Variants in FADS3 observed in about 807,000 individuals in gnomAD.
The protein encoded by FADS3 is fatty acid desaturase 3, also known as cytochrome b5-related protein.
In FADS3, 30 loss-of-function variants were observed where a neutral mutation model predicts 60.4. The observed-to-expected ratio is 0.50, with a 90% CI of 0.37 to 0.67. The LOEUF is 0.67. FADS3 is among the 30% of genes least tolerant of loss of function. FADS3 has a pLI of 0.00. For synonymous variants in FADS3, 234 were observed against 249.3 expected, an observed-to-expected ratio of 0.94 and a Z score of 0.58; for missense variants, 432 against 598.3, an observed-to-expected ratio of 0.72 and a Z score of 2.90.
intron 1 of FADS3, among the ~76,000 whole-genome samples, chr11:61,883,831 A>G (rs1392518170): frequency 3.3e-5 from 5 of 152,242 alleles, no homozygotes; most frequent in Non-Finnish European, 5.9e-5. Context: ...CCTTCAAGCC[A>G]GATCTACCCC....
chr11:61,874,066 C>T (rs1451621913), intron 11 of FADS3, among the ~76,000 whole-genome samples: 3 of 152,194 alleles, frequency 2.0e-5, no homozygotes, highest in Non-Finnish European at 4.4e-5. Context: ...GAATCTAGAC[C>T]GGGGTGACGG....
chr11:61,891,540 C>T lies in FADS3; in HGVS notation c.-159G>A, dbSNP rs1591206184. 4.6e-5 allele frequency: 17 copies of T among 370,390 alleles called. No homozygotes were observed. In the South Asian group the frequency reaches 1.3e-3, roughly 28 times the overall value. 22.9% of individuals were successfully genotyped at this position (370,390 alleles called of 1,614,324 possible). A position where few individuals can be genotyped will look rare whatever the true frequency, so the allele number is the denominator to read the frequency against. On this transcript the variant is annotated 5_prime_UTR_variant, in exon 1 of 12. Coordinates refer to ENST00000278829, the MANE Select transcript of FADS3 (RefSeq NM_021727.5). ...GCCGTACGAGCGAGCGTGCGCCTCC[C>T]GGCTCGCGGCGCAGGGAACTCCCCG...
chr11:61,882,037 C>T (rs1459643662), intron 1 of FADS3: 1 of 139,636 alleles, frequency 7.2e-6, no homozygotes, highest in Non-Finnish European at 1.5e-5. Context: ...AGAGCTGGGG[C>T]TGGTGTACAG....
At position 61,873,617 on chromosome 11, in the gene FADS3, G is replaced by A. The variant is rs1157440565; in HGVS notation, c.*197C>T. The A allele has an allele frequency of 1.7e-6, 1 of 603,946 alleles. No homozygotes were observed. Among genetic ancestry groups the A allele is most frequent in the African/African-American group, 1.9e-5 (1 of 53,676 alleles). 37.4% of individuals were successfully genotyped at this position (603,946 alleles called of 1,614,324 possible). A position where few individuals can be genotyped will look rare whatever the true frequency, so the allele number is the denominator to read the frequency against. On this transcript the variant is annotated 3_prime_UTR_variant, in exon 12 of 12. Transcript: ENST00000278829. ...CTATGCTCACCTTCCCTCTACCCCT[G>A]TCCCATCAGGCCCAGAGCCAAGGCC...
At chr11:61,883,970 C>G (rs1591198647) in intron 1 of FADS3, among the ~76,000 whole-genome samples, 1 of 152,210 alleles carries the variant, frequency 6.6e-6, no homozygotes, top group East Asian at 1.9e-4. Flanking sequence ...AGGCTGGGCT[C>G]TCAGAGCTGG....
At chr11:61,889,908 G>C (rs898228889) in intron 1 of FADS3, among the ~76,000 whole-genome samples, 6 of 152,194 alleles carry the variant, frequency 3.9e-5, no homozygotes, top group African/African-American at 1.4e-4. Context: ...AAGACTCCTT[G>C]AAGGGAGGCC....
chr11:61,877,609 T>C lies in FADS3; in HGVS notation c.809-22A>G, dbSNP rs891474968. On this transcript the variant is annotated intron_variant, in intron 6 of 11. Coordinates refer to ENST00000278829, the MANE Select transcript of FADS3 (RefSeq NM_021727.5). The surrounding 1 kb of genome is among the most constrained non-coding windows in gnomAD (Gnocchi z 4.7). ...CCGACTGCAAGAAGGGGCATGAGAG[T>C]GTTCAGGAGTGGGGCTGGGCTGCCA... is the stretch of plus-strand genomic sequence containing the variant. The C allele has an allele frequency of 1.1e-5, 17 of 1,610,534 alleles. No individual in the cohort carries two copies. Among genetic ancestry groups the C allele is most frequent in the Non-Finnish European group, 1.4e-5 (16 of 1,178,588 alleles).
At chr11:61,879,279 G>C in intron 3 of FADS3, 33 bp downstream of exon 3, 1 of 1,545,360 alleles carries the variant, frequency 6.5e-7, no homozygotes, top group Non-Finnish European at 8.7e-7. Flanking sequence ...CTGTTGGGCA[G>C]TTAAGGTGGC....
chr11:61,878,352 G>T, intron 5 of FADS3, 137 bp from the exon 6 acceptor site: 1 of 1,366,026 alleles, frequency 7.3e-7, no homozygotes. Flanking sequence ...GTCCCCAGCA[G>T]GTTGGGAGGT....
At chr11:61,875,697 T>A (rs998343929) in intron 11 of FADS3, among the ~76,000 whole-genome samples, 154 bp downstream of exon 11, 1 of 152,194 alleles carries the variant, frequency 6.6e-6, no homozygotes, top group African/African-American at 2.4e-5. Context: ...AAATTCTCAC[T>A]GTGTGCGTGA....
At chr11:61,875,505 T>C (rs1175904045) in intron 11 of FADS3, among the ~76,000 whole-genome samples, 2 of 151,716 alleles carry the variant, frequency 1.3e-5, no homozygotes, top group Non-Finnish European at 2.9e-5. Flanking sequence ...AGTGCTGGAA[T>C]TACAGGCGTG....
intron 1 of FADS3, chr11:61,886,296 C>A: frequency 6.6e-6 from 1 of 152,410 alleles, no homozygotes. Context: ...TCATCAGAAA[C>A]CCGCAGGAAG....
At chr11:61,882,098 GTTTTTTTTTTTTTTTTT>G (rs10585384) in intron 1 of FADS3, 3 of 37,888 alleles carry the variant, frequency 7.9e-5, no homozygotes. Flanking sequence ...CCCACTGGGT[GTTTTTTTTTTTTTTTTT>G]TTTTTTTTTT....
In FADS3 at chr11:61,878,158, G is replaced by A. The variant is rs774780631; in HGVS notation, c.805C>T (p.Leu269=). The part of the protein sequence containing the change: ...PYNQQHLYFF[L]IGPPLLTLVN... ...AGAAGGACAGATGGACACTCACTCAGGAAGAAGTACAGGTGCTGCTGGTTG... is the reference window on the plus strand; with the variant it reads ...AGAAGGACAGATGGACACTCACTCAAGAAGAAGTACAGGTGCTGCTGGTTG... The change falls in exon 6 of 12, where the codon CTG becomes TTG. Residue 269 remains leucine (L), a synonymous_variant. Transcript: ENST00000278829. The A allele has an allele frequency of 6.2e-7, 1 of 1,614,044 alleles. No homozygotes were observed. Among genetic ancestry groups the A allele is most frequent in the Admixed American group, 1.7e-5 (1 of 60,020 alleles).
intron 1 of FADS3, chr11:61,880,644 G>A (rs1197563074): frequency 1.3e-5 from 2 of 153,754 alleles, no homozygotes; most frequent in Non-Finnish European, 2.9e-5. Flanking sequence ...CACGGGGCGG[G>A]GGGATCAGTC....
chr11:61,875,895 G>T lies in FADS3; in HGVS notation c.1242C>A (p.Ser414Arg), dbSNP rs746879472. The change falls in exon 11 of 12, where the codon AGC becomes AGA. Residue 414 changes from serine to arginine, a missense_variant. Ser to Arg is a moderately radical substitution (Grantham distance 110). Coordinates refer to ENST00000278829, the MANE Select transcript of FADS3 (RefSeq NM_021727.5). ...CGGTGAGGAAGGGCTTCACTTCGTAGCTGAGGCCGTGCTTGGCACACAGCG... is the reference window on the plus strand; with the variant it reads ...CGGTGAGGAAGGGCTTCACTTCGTATCTGAGGCCGTGCTTGGCACACAGCG... ...VKSLCAKHGL[S>R]YEVKPFLTAL... The T allele has an allele frequency of 6.2e-7, 1 of 1,613,812 alleles. No homozygotes were observed. The highest frequency in any genetic ancestry group is 8.5e-7 in the Non-Finnish European group (1 of 1,180,024).
At position 61,875,806 on chromosome 11, in the gene FADS3, C is replaced by A; in HGVS notation, c.1286+45G>T. ...TGACCTGGACAAGGGTAGGCATAGG[C>A]CCTGGGGAAGCCACCAGAACAGAGG... is the stretch of plus-strand genomic sequence containing the variant. On this transcript the variant is annotated intron_variant, in intron 11 of 11. Coordinates refer to ENST00000278829, the MANE Select transcript of FADS3 (RefSeq NM_021727.5). 1.9e-6 allele frequency: 3 copies of A among 1,598,500 alleles called. 1 individual carries two copies. The South Asian group carries it at 3.3e-5, about 18-fold the overall frequency.
Position 61,878,828 on chromosome 11 carries a change from T to C in FADS3, c.542A>G (p.Gln181Arg). The change falls in exon 4 of 12, where the codon CAG becomes CGG. Residue 181 changes from glutamine (Q) to arginine (R), a missense_variant. Transcript: ENST00000278829. ...AISQAQSWCL[Q>R]HDLGHASIFK... Reference sequence around the variant, plus strand: ...GATGGAGGCATGGCCCAGGTCATGCTGCAGACACCAGGACTGAGCCTGGGG... The same window carrying C: ...GATGGAGGCATGGCCCAGGTCATGCCGCAGACACCAGGACTGAGCCTGGGG... 6.2e-7 allele frequency: 1 copy of C among 1,614,120 alleles called. No individual in the cohort carries two copies. Among genetic ancestry groups the C allele is most frequent in the Non-Finnish European group, 8.5e-7 (1 of 1,179,998 alleles).
chr11:61,874,859 G>C (rs1357392301), intron 11 of FADS3, among the ~76,000 whole-genome samples: 3 of 149,924 alleles, frequency 2.0e-5, no homozygotes, highest in African/African-American at 7.3e-5. Flanking sequence ...GCTTTTCATT[G>C]TTCTTTTGCC....
Sources: allele counts gnomAD v4.1 joint callset (sites outside exome capture counted in the v4.1 genomes callset), GRCh38; gene constraint gnomAD v4.1.1; non-coding constraint Gnocchi (gnomAD v3.1); transcripts MANE v1.5; gene names NCBI Gene and HGNC (gene_info 2026-07-23, HGNC 2026-07-21).